Variants in TIAM2 observed in about 807,000 individuals in gnomAD.
TIAM2 encodes rho guanine nucleotide exchange factor TIAM2.
TIAM2 carries 80 observed loss-of-function variants against 152.9 expected under a neutral mutation model. The observed-to-expected ratio is 0.52, with a 90% CI of 0.44 to 0.63. The LOEUF (loss-of-function observed/expected upper bound fraction) is 0.63. Among genes scored for constraint, TIAM2 ranks in the 30% least tolerant of loss-of-function variants. The probability of loss-of-function intolerance (pLI) is 0.00; values close to 1 mark genes in which losing one functional copy is unlikely to be tolerated. For missense variants in TIAM2, 1,965 were observed against 2,120.1 expected (o/e 0.93, Z 1.44); for synonymous variants, 804 against 838.0 (o/e 0.96, Z 0.70).
intron 2 of TIAM2, among the ~76,000 whole-genome samples, chr6:155,101,511 T>C (rs1168160630): frequency 2.0e-5 from 3 of 152,212 alleles, no homozygotes; most frequent in Non-Finnish European, 4.4e-5. Context: ...TCTCTACTTA[T>C]GATTGTTATT....
intron 1 of TIAM2, among the ~76,000 whole-genome samples, chr6:155,020,714 C>G (rs1484599971): frequency 6.6e-6 from 1 of 152,168 alleles, no homozygotes; most frequent in Admixed American, 6.6e-5. Context: ...CTGCCAGCCT[C>G]GGCCTCCCAA....
chr6:155,069,911 C>A (rs201852999), intron 1 of TIAM2, among the ~76,000 whole-genome samples: 4 of 125,654 alleles, frequency 3.2e-5, no homozygotes, highest in African/African-American at 1.2e-4. Context: ...CATTTCTTTT[C>A]TTTTTTTTTT....
At chr6:155,020,880 A>G (rs930588612) in intron 1 of TIAM2, among the ~76,000 whole-genome samples, 19 of 152,128 alleles carry the variant, frequency 1.2e-4, no homozygotes, top group African/African-American at 4.8e-5. Flanking sequence ...ACCCCGTTAA[A>G]CAATACCCCC....
At chr6:155,146,644 G>A (rs1412429214) in intron 6 of TIAM2, among the ~76,000 whole-genome samples, 2 of 152,012 alleles carry the variant, frequency 1.3e-5, no homozygotes, top group Non-Finnish European at 2.9e-5. Context: ...TGCCCAGGCT[G>A]GAGTACAGTG....
rs1439252389 is a variant in TIAM2, at chr6:155,256,914, C to T, written c.4899C>T (p.Cys1633=). Residue 1633 remains cysteine, a synonymous_variant, in exon 27 of 27, where the codon TGC becomes TGT. Coordinates refer to ENST00000682666, the MANE Select transcript of TIAM2 (RefSeq NM_012454.4). ...CCAAACTGGTCCGGGGGCACTTCTGCCCCATTAAACGAAAAGCCAACAGCA... is the reference window on the plus strand; with the variant it reads ...CCAAACTGGTCCGGGGGCACTTCTGTCCCATTAAACGAAAAGCCAACAGCA... ...EQPKLVRGHF[C]PIKRKANSTK... 6.2e-7 allele frequency: 1 copy of T among 1,614,150 alleles called. No homozygotes were observed. The highest frequency in any genetic ancestry group is 1.1e-5 in the South Asian group (1 of 91,084).
chr6:155,245,401 T>G (rs922421305), intron 18 of TIAM2, among the ~76,000 whole-genome samples: 1 of 152,236 alleles, frequency 6.6e-6, no homozygotes, highest in Non-Finnish European at 1.5e-5. Context: ...GATTGCACAC[T>G]GTCAGTAGGC....
intron 14 of TIAM2, among the ~76,000 whole-genome samples, chr6:155,184,513 A>G (rs1780987770): frequency 6.6e-6 from 1 of 152,132 alleles, no homozygotes; most frequent in African/African-American, 2.4e-5. Context: ...TTCGCTTTAT[A>G]CCTCTGGAGA....
intron 2 of TIAM2, 81 bp from the exon 3 acceptor site, chr6:155,127,409 T>A (rs992517718): frequency 6.7e-5 from 24 of 357,392 alleles, no homozygotes; most frequent in African/African-American, 5.2e-4. Context: ...TTCATATAAT[T>A]TGCGTTAAGG....
At chr6:155,148,017 T>C in intron 6 of TIAM2, 93 bp from the exon 7 acceptor site, 1 of 1,271,606 alleles carries the variant, frequency 7.9e-7, no homozygotes, top group South Asian at 1.2e-5. Context: ...AAGTACTTCT[T>C]GGGTTTTGTA....
intron 3 of TIAM2, 57 bp downstream of exon 3, chr6:155,127,657 T>TA (rs1428654503): frequency 2.0e-5 from 9 of 451,822 alleles, no homozygotes; most frequent in Middle Eastern, 3.2e-4. Context: ...GTGATTAAGG[T>TA]AATAAGTAAA....
At chr6:155,069,848 G>A (rs185545545) in intron 1 of TIAM2, among the ~76,000 whole-genome samples, 2 of 151,896 alleles carry the variant, frequency 1.3e-5, no homozygotes, top group African/African-American at 2.4e-5. Flanking sequence ...ACTGTGCCAT[G>A]AGTTCTGCCT....
At chr6:155,082,926 C>T (rs1034485017) in intron 1 of TIAM2, among the ~76,000 whole-genome samples, 12 of 152,068 alleles carry the variant, frequency 7.9e-5, no homozygotes, top group Admixed American at 3.3e-4. Flanking sequence ...TTTTAACACT[C>T]CCTCCCCAAA....
At chr6:155,179,174 C>T in intron 11 of TIAM2, 31 bp downstream of exon 11, 1 of 1,571,988 alleles carries the variant, frequency 6.4e-7, no homozygotes, top group Non-Finnish European at 8.7e-7. Context: ...GGAAGGGAAA[C>T]TGAACCACAT....
chr6:155,115,295 C>T lies in TIAM2; in HGVS notation c.-117-12195C>T, dbSNP rs1207784448. Among the ~76,000 whole-genome samples the T allele has an allele frequency of 2.6e-5, 4 of 152,072 alleles. No individual in the cohort carries two copies. The East Asian group carries it at 7.8e-4, about 30-fold the overall frequency. ...CAGGCTGGTCTCAAACTCCTGGGCT[C>T]AAGGGATCCTCCCATCTTGGCCTCC... On this transcript the variant is annotated intron_variant, in intron 2 of 26. Transcript: ENST00000682666.
chr6:155,257,521 A>G lies in TIAM2; in HGVS notation c.*400A>G. ...TGTTAGTTTTTGCTTTATTTAAAGC[A>G]TATTTAAGTTATTTTAATGTGGTTT... On this transcript the variant is annotated 3_prime_UTR_variant, in exon 27 of 27. Transcript: ENST00000682666. 2.8e-6 allele frequency: 1 copy of G among 359,454 alleles called. No individual in the cohort carries two copies. The highest frequency in any genetic ancestry group is 5.0e-6 in the Non-Finnish European group (1 of 198,646). 22.3% of individuals were successfully genotyped at this position (359,454 alleles called of 1,614,324 possible).
intron 2 of TIAM2, among the ~76,000 whole-genome samples, chr6:155,113,185 T>TGCTGCGGCCATGCTGGTCCCTGCC (rs1181113527): frequency 6.6e-6 from 1 of 152,190 alleles, no homozygotes; most frequent in African/African-American, 2.4e-5. Flanking sequence ...TCGCTTGCTC[T>TGCTGCGGCCATGCTGGTCCCTGCC]GCTGCGGCCA....
chr6:155,132,198 A>G (rs1162647978), intron 4 of TIAM2, among the ~76,000 whole-genome samples: 1 of 148,240 alleles, frequency 6.7e-6, no homozygotes, highest in East Asian at 2.0e-4. Context: ...TACTCTGTAT[A>G]AGTCATGGAG....
At chr6:155,228,788 A>G (rs1438897288) in intron 15 of TIAM2, among the ~76,000 whole-genome samples, 1 of 151,730 alleles carries the variant, frequency 6.6e-6, no homozygotes, top group Non-Finnish European at 1.5e-5. Flanking sequence ...GAGGACACAC[A>G]AGCCCGACGC....
chr6:155,250,991 G>C lies in TIAM2; in HGVS notation c.4030G>C (p.Ala1344Pro). Residue 1344 changes from alanine (A) to proline (P), a missense_variant, in exon 22 of 27, where the codon GCT becomes CCT. Physicochemically the swap from Ala to Pro is conservative, Grantham distance 27. This residue lies in a region of TIAM2 where 935 missense variants were observed against 980.0 expected (regional missense o/e 0.95). Transcript: ENST00000682666. ...GAATCCATTTCTGTCTCTAGGAAAA[G>C]CTAGAAAGGACCTTGAGCTCACAGT... ...WLNPFLSLGKARKDLELTVFV... is the reference protein window; with the variant it reads ...WLNPFLSLGKPRKDLELTVFV... 2 of 1,614,162 alleles carry C rather than the reference G, an allele frequency of 1.2e-6. No homozygotes were observed. Among genetic ancestry groups the C allele is most frequent in the South Asian group, 2.2e-5 (2 of 91,078 alleles).
Sources: allele counts gnomAD v4.1 joint callset (sites outside exome capture counted in the v4.1 genomes callset), GRCh38; gene constraint gnomAD v4.1.1; regional missense constraint gnomAD v4.1.1; transcripts MANE v1.5; gene names NCBI Gene and HGNC (gene_info 2026-07-23, HGNC 2026-07-21).